Variants in TMED3 observed in about 807,000 individuals in gnomAD.
TMED3 encodes the protein transmembrane emp24 domain-containing protein 3.
In TMED3, 9 loss-of-function variants were observed where a neutral mutation model predicts 15.0. That is an observed-to-expected ratio of 0.60 (90% CI 0.36 to 1.04). TMED3 has a LOEUF of 1.04. Ranked by LOEUF, TMED3 falls within the 50% of genes least tolerant of loss-of-function variation. TMED3 has a pLI of 0.01. For missense variants in TMED3, 267 were observed against 278.9 expected, an observed-to-expected ratio of 0.96 and a Z score of 0.30; for synonymous variants, 117 against 121.4, an observed-to-expected ratio of 0.96 and a Z score of 0.24.
chr15:79,377,806 C>T lies in TMED3; in HGVS notation c.418-33594C>T, dbSNP rs141877930. ...GGACTACAGGCGCCCGCCACCGCGC[C>T]GGGCCAATTTTTTGTACTTTTAGTA... On this transcript the variant is annotated intron_variant, in intron 2 of 2. Coordinates refer to the TMED3 transcript ENST00000424155. Among the ~76,000 whole-genome samples the T allele has an allele frequency of 4.0e-3, 610 of 152,204 alleles. 4 individuals are homozygous for T. The highest frequency in any genetic ancestry group is 0.012 in the African/African-American group (494 of 41,546).
chr15:79,398,986 C>T (rs1211371297), intron 2 of TMED3, among the ~76,000 whole-genome samples: 1 of 152,224 alleles, frequency 6.6e-6, no homozygotes, highest in Non-Finnish European at 1.5e-5. Flanking sequence ...TCTCAGCTCA[C>T]TGCAACCTCC....
intron 2 of TMED3, among the ~76,000 whole-genome samples, chr15:79,357,462 C>A (rs1432268330): frequency 6.4e-5 from 5 of 78,000 alleles, no homozygotes; most frequent in Admixed American, 4.7e-4. Flanking sequence ...TCCACCCTGC[C>A]TCAAAAAAAA....
At chr15:79,408,354 T>C (rs1279158490) in intron 2 of TMED3, among the ~76,000 whole-genome samples, 1 of 152,188 alleles carries the variant, frequency 6.6e-6, no homozygotes, top group African/African-American at 2.4e-5. Context: ...GAGTCACCCA[T>C]AGGCTTTTCA....
intron 2 of TMED3, among the ~76,000 whole-genome samples, chr15:79,378,497 G>A (rs1171634651): frequency 2.0e-5 from 3 of 152,200 alleles, no homozygotes; most frequent in Non-Finnish European, 2.9e-5. Flanking sequence ...GAAGAGGATT[G>A]TATAGGGAAG....
intron 2 of TMED3, among the ~76,000 whole-genome samples, chr15:79,337,024 C>A (rs2058829702): frequency 6.6e-6 from 1 of 152,172 alleles, no homozygotes; most frequent in Non-Finnish European, 1.5e-5. Context: ...TACTACCAAG[C>A]CTGTATGTGA....
At chr15:79,375,315 T>G (rs923726863) in intron 2 of TMED3, among the ~76,000 whole-genome samples, 1 of 152,040 alleles carries the variant, frequency 6.6e-6, no homozygotes, top group African/African-American at 2.4e-5. Context: ...ACAACTAACA[T>G]TCCTTGTGTT....
chr15:79,316,991 A>G (rs1467090045), intron 2 of TMED3, among the ~76,000 whole-genome samples: 1 of 151,970 alleles, frequency 6.6e-6, no homozygotes, highest in Non-Finnish European at 1.5e-5. Context: ...GAGGGTGAGC[A>G]TCCAGGTAGC....
At chr15:79,350,092 C>T (rs920125776) in intron 2 of TMED3, among the ~76,000 whole-genome samples, 1 of 152,026 alleles carries the variant, frequency 6.6e-6, no homozygotes, top group Non-Finnish European at 1.5e-5. Context: ...AGAGGAGTGG[C>T]CAGCACAGAG....
intron 2 of TMED3, among the ~76,000 whole-genome samples, chr15:79,349,545 C>T (rs1185354301): frequency 6.6e-6 from 1 of 152,144 alleles, no homozygotes; most frequent in Non-Finnish European, 1.5e-5. Flanking sequence ...TTTAATTATC[C>T]TATTCGTCTC....
chr15:79,326,912 G>A (rs1379010915), downstream of TMED3, among the ~76,000 whole-genome samples: 2 of 152,174 alleles, frequency 1.3e-5, no homozygotes, highest in Admixed American at 6.5e-5. Context: ...TTGCAGGTGG[G>A]GGCATCTGGT....
intron 2 of TMED3, among the ~76,000 whole-genome samples, chr15:79,337,609 G>A (rs7178487): frequency 0.58 from 88,132 of 152,018 alleles, 25,945 homozygotes; most frequent in African/African-American, 0.67. Flanking sequence ...GGTGCATTTC[G>A]TAGCTTGAAT....
chr15:79,311,515 C>G, intron 1 of TMED3, 98 bp downstream of exon 1: 1 of 1,406,138 alleles, frequency 7.1e-7, no homozygotes. Context: ...GAATTAGCCA[C>G]AGGCTACAGG....
chr15:79,379,527 A>G (rs1010250807), intron 2 of TMED3, among the ~76,000 whole-genome samples: 3 of 152,304 alleles, frequency 2.0e-5, no homozygotes, highest in Admixed American at 6.5e-5. Flanking sequence ...ACGAGCAATC[A>G]ATAATGAAGT....
At chr15:79,397,427 C>G (rs572089096) in intron 2 of TMED3, among the ~76,000 whole-genome samples, 19 of 152,180 alleles carry the variant, frequency 1.2e-4, no homozygotes, top group Admixed American at 4.6e-4. Flanking sequence ...ATCTGAAGAG[C>G]CTCTTTCCCT....
chr15:79,314,183 G>A lies in TMED3; in HGVS notation c.417+178G>A, dbSNP rs533539041. Reference sequence around the variant, plus strand: ...CTAAAGGATGCCATGCTCTTCTTTCGATCTTCCTTTCCACTCTCTAACCAG... The same window carrying A: ...CTAAAGGATGCCATGCTCTTCTTTCAATCTTCCTTTCCACTCTCTAACCAG... On this transcript the variant is annotated intron_variant, in intron 2 of 2. Transcript: ENST00000299705. Among the ~76,000 whole-genome samples the A allele has an allele frequency of 2.6e-5, 4 of 152,236 alleles. No homozygotes were observed. In the South Asian group the frequency reaches 6.2e-4, roughly 24 times the overall value.
intron 2 of TMED3, among the ~76,000 whole-genome samples, chr15:79,390,764 G>A: frequency 6.6e-6 from 1 of 151,926 alleles, no homozygotes; most frequent in Non-Finnish European, 1.5e-5. Flanking sequence ...CTCACTGCTT[G>A]TTATTGGTCT....
intron 2 of TMED3, among the ~76,000 whole-genome samples, chr15:79,380,591 A>C (rs1893514066): frequency 6.9e-6 from 1 of 145,752 alleles, no homozygotes; most frequent in South Asian, 2.1e-4. Context: ...TTATATATAT[A>C]TATATATATA....
At chr15:79,400,482 A>C (rs75931761) in intron 2 of TMED3, among the ~76,000 whole-genome samples, 239 of 152,320 alleles carry the variant, frequency 1.6e-3, no homozygotes, top group South Asian at 0.012. Context: ...TTAGCACACA[A>C]TAGACATTTT....
At chr15:79,326,064 C>T (rs2058786387), downstream of TMED3, among the ~76,000 whole-genome samples, 1 of 152,176 alleles carries the variant, frequency 6.6e-6, no homozygotes, top group South Asian at 2.1e-4. Flanking sequence ...ATCAAGTTGA[C>T]ACCTCATATT....
Sources: allele counts gnomAD v4.1 joint callset (sites outside exome capture counted in the v4.1 genomes callset), GRCh38; gene constraint gnomAD v4.1.1; transcripts MANE v1.5; gene names NCBI Gene and HGNC (gene_info 2026-07-23, HGNC 2026-07-21).